NARS2: variants seen among roughly 807,000 people sequenced by gnomAD.
NARS2 encodes the protein asparaginyl-tRNA synthetase.
Under a neutral mutation model 62.9 loss-of-function variants are expected in NARS2, and 60 were observed. The ratio of observed to expected loss-of-function variants is 0.95; its 90% CI spans 0.77 to 1.18. The LOEUF (loss-of-function observed/expected upper bound fraction) is 1.18, where lower values mean the gene tolerates loss of function less well. Among genes scored for constraint, NARS2 ranks in the 50% most tolerant of loss-of-function variants. The probability of loss-of-function intolerance (pLI) is 0.00; values close to 1 mark genes in which losing one functional copy is unlikely to be tolerated. For missense variants in NARS2, 619 were observed against 576.4 expected (o/e 1.07, Z -0.76); for synonymous variants, 196 against 200.0 (o/e 0.98, Z 0.17).
intron 5 of NARS2, among the ~76,000 whole-genome samples, chr11:78,534,343 G>A (rs544707532): frequency 6.6e-6 from 1 of 152,254 alleles, no homozygotes; most frequent in African/African-American, 2.4e-5. Context: ...GGTACTGACT[G>A]GCTTTTTAGT....
intron 4 of NARS2, among the ~76,000 whole-genome samples, chr11:78,565,324 A>T (rs994448070): frequency 6.6e-6 from 1 of 152,246 alleles, no homozygotes; most frequent in African/African-American, 2.4e-5. Flanking sequence ...GGAAACCAAA[A>T]ACACTGTAAA....
At chr11:78,467,907 G>T (rs754530743) in intron 10 of NARS2, among the ~76,000 whole-genome samples, 23 of 151,992 alleles carry the variant, frequency 1.5e-4, no homozygotes, top group African/African-American at 2.2e-4. Flanking sequence ...GAGGGCTGTA[G>T]TCGATCATGG....
chr11:78,436,461 C>T lies in NARS2; in HGVS notation c.*209G>A. 1.9e-6 allele frequency: 1 copy of T among 538,232 alleles called. No homozygotes were observed. The highest frequency in any genetic ancestry group is 3.3e-6 in the Non-Finnish European group (1 of 305,186). 33.3% of individuals were successfully genotyped at this position (538,232 alleles called of 1,614,324 possible). ...TTGAGAGTCCCCTTGCTATAAGTAC[C>T]TCTTCTTGCGGGAGCTCATCCTTAC... On this transcript the variant is annotated 3_prime_UTR_variant, in exon 14 of 14. Coordinates refer to ENST00000281038, the MANE Select transcript of NARS2 (RefSeq NM_024678.6).
rs1856913484 is a variant in NARS2 at position 78,571,325 on chromosome 11, C to G, written c.251+10G>C. 3 of 1,587,196 alleles carry G rather than the reference C, an allele frequency of 1.9e-6. No individual in the cohort carries two copies. The highest frequency in any genetic ancestry group is 1.3e-5 in the African/African-American group (1 of 74,296). ...AAAATCAAAGAATTCTTTTAAAAAACAAAACTCACCTACTGTCAAGGCCTG... is the reference window on the plus strand; with the variant it reads ...AAAATCAAAGAATTCTTTTAAAAAAGAAAACTCACCTACTGTCAAGGCCTG... On this transcript the variant is annotated intron_variant, in intron 2 of 13. Coordinates refer to ENST00000281038, the MANE Select transcript of NARS2 (RefSeq NM_024678.6).
intron 6 of NARS2, among the ~76,000 whole-genome samples, chr11:78,509,984 A>G (rs1860658424): frequency 6.6e-6 from 1 of 152,188 alleles, no homozygotes; most frequent in African/African-American, 2.4e-5. Context: ...GCTATAGAAT[A>G]TATGCAAAAG....
At chr11:78,568,043 A>C (rs1856801408) in intron 3 of NARS2, among the ~76,000 whole-genome samples, 2 of 152,264 alleles carry the variant, frequency 1.3e-5, no homozygotes, top group Admixed American at 1.3e-4. Flanking sequence ...AAACAGGCAT[A>C]AACATGTCTT....
chr11:78,471,254 T>C (rs1858859228), intron 9 of NARS2, among the ~76,000 whole-genome samples: 1 of 152,172 alleles, frequency 6.6e-6, no homozygotes, highest in Admixed American at 6.5e-5. Context: ...AGGTTACTCA[T>C]GTAAGTAAAT....
chr11:78,542,368 T>C (rs1439018719), intron 5 of NARS2, among the ~76,000 whole-genome samples: 1 of 152,158 alleles, frequency 6.6e-6, no homozygotes, highest in Non-Finnish European at 1.5e-5. Context: ...TAAACACAAA[T>C]GTAAAATTGC....
intron 2 of NARS2, among the ~76,000 whole-genome samples, chr11:78,569,221 T>C (rs556409052): frequency 6.6e-5 from 10 of 152,366 alleles, no homozygotes; most frequent in South Asian, 2.1e-4. Flanking sequence ...AGTTCTCCCA[T>C]AGATTAACTG....
intron 11 of NARS2, chr11:78,443,976 A>C (rs985521840): frequency 1.9e-5 from 6 of 310,172 alleles, no homozygotes; most frequent in Non-Finnish European, 3.6e-5. Flanking sequence ...AATGTGATAG[A>C]AATGTTAATT....
intron 6 of NARS2, among the ~76,000 whole-genome samples, chr11:78,512,914 T>G (rs760192749): frequency 4.6e-5 from 7 of 152,208 alleles, no homozygotes; most frequent in Non-Finnish European, 7.3e-5. Context: ...GCATTTATTC[T>G]TTGTGTTACA....
Position 78,574,442 on chromosome 11 carries a change from G to A in NARS2, c.47C>T (p.Ser16Phe), listed in dbSNP as rs777015479. The A allele has an allele frequency of 1.9e-6, 3 of 1,614,144 alleles. No individual in the cohort carries two copies. Among genetic ancestry groups the A allele is most frequent in the Middle Eastern group, 1.6e-4 (1 of 6,062 alleles). Residue 16 changes from serine to phenylalanine, a missense_variant, in exon 1 of 14, where the codon TCC (serine) becomes TTC (phenylalanine). Transcript: ENST00000281038. The stretch of plus-strand genomic sequence containing the variant: ...AGGTTTGTGCTTGGGGAAGGGGGCG[G>A]AGGAACAGAAGCGCACGGACCGCAG... ...CLLRSVRFCS[S>F]APFPKHKPSA...
At chr11:78,481,504 T>C (rs1859354010) in intron 7 of NARS2, among the ~76,000 whole-genome samples, 1 of 152,212 alleles carries the variant, frequency 6.6e-6, no homozygotes, top group African/African-American at 2.4e-5. Context: ...ATTTGTAAGA[T>C]GAAGACTTTG....
At chr11:78,498,539 G>C (rs944099171) in intron 6 of NARS2, among the ~76,000 whole-genome samples, 3 of 151,992 alleles carry the variant, frequency 2.0e-5, no homozygotes, top group Admixed American at 6.6e-5. Flanking sequence ...TCTTCTCTAA[G>C]TTCCAAAAGT....
intron 6 of NARS2, among the ~76,000 whole-genome samples, chr11:78,513,638 C>A (rs549210153): frequency 6.6e-6 from 1 of 151,856 alleles, no homozygotes; most frequent in Non-Finnish European, 1.5e-5. Flanking sequence ...ATTAGCCGGG[C>A]GTAGTGGTGG....
intron 5 of NARS2, among the ~76,000 whole-genome samples, chr11:78,545,396 A>G (rs1855825546): frequency 6.6e-6 from 1 of 152,040 alleles, no homozygotes; most frequent in South Asian, 2.1e-4. Flanking sequence ...ACCTGCCTTC[A>G]TGATTGTTTC....
At chr11:78,520,597 A>AT (rs1861079017) in intron 6 of NARS2, among the ~76,000 whole-genome samples, 1 of 152,208 alleles carries the variant, frequency 6.6e-6, no homozygotes, top group Non-Finnish European at 1.5e-5. Flanking sequence ...TTTATATTAA[A>AT]TTTTAACAAC....
chr11:78,547,613 G>C (rs867290427), intron 5 of NARS2, among the ~76,000 whole-genome samples: 3 of 151,958 alleles, frequency 2.0e-5, no homozygotes. Context: ...CACGGCAGGC[G>C]GATCACCTGA....
intron 6 of NARS2, among the ~76,000 whole-genome samples, chr11:78,518,834 C>T (rs1262189093): frequency 3.3e-5 from 5 of 151,834 alleles, no homozygotes; most frequent in African/African-American, 9.7e-5. Flanking sequence ...TTCTTTATGA[C>T]GTGAAATGAA....
Sources: allele counts gnomAD v4.1 joint callset (sites outside exome capture counted in the v4.1 genomes callset), GRCh38; gene constraint gnomAD v4.1.1; transcripts MANE v1.5; gene names NCBI Gene and HGNC (gene_info 2026-07-23, HGNC 2026-07-21).